The following FBXO21 variants were observed in gnomAD, a reference collection of about 807,000 sequenced individuals.
FBXO21 encodes the protein F-box protein 21, also known as F-box only protein 21.
Under a neutral mutation model 76.6 loss-of-function variants are expected in FBXO21, and 32 were observed. The ratio of observed to expected loss-of-function variants is 0.42; its 90% CI spans 0.32 to 0.56. The LOEUF (loss-of-function observed/expected upper bound fraction) is 0.56. FBXO21 is among the 20% of genes least tolerant of loss of function. FBXO21 has a pLI of 0.16. For missense variants in FBXO21, 586 were observed against 797.3 expected (o/e 0.73, Z 3.19); for synonymous variants, 328 against 311.5 (o/e 1.05, Z -0.56).
In FBXO21 at chr12:117,174,834, G is replaced by A. The variant is rs553665174; in HGVS notation, c.593-37C>T. 2.4e-5 allele frequency: 38 copies of A among 1,599,684 alleles called. No homozygotes were observed. The South Asian group carries it at 2.7e-4, about 11-fold the overall frequency. On this transcript the variant is annotated intron_variant, in intron 4 of 11. Transcript: ENST00000622495. ...CAAGAATTACCGAATAAATTCTCACGTTACCCTTTTCTTATTAGTTTGCAA... is the reference window on the plus strand; with the variant it reads ...CAAGAATTACCGAATAAATTCTCACATTACCCTTTTCTTATTAGTTTGCAA...
chr12:117,190,193 C>A, intron 1 of FBXO21, 25 bp downstream of exon 1: 2 of 1,250,144 alleles, frequency 1.6e-6, no homozygotes, highest in Non-Finnish European at 2.0e-6. Flanking sequence ...GGGCGCGCAG[C>A]CGGGGCGCGG....
In FBXO21 at chr12:117,189,266, C is replaced by T. The variant is rs1956320545; in HGVS notation, c.336G>A (p.Lys112=). The change falls in exon 2 of 12, where the codon AAG becomes AAA. Residue 112 remains lysine (K), a synonymous_variant. Coordinates refer to ENST00000622495, the MANE Select transcript of FBXO21 (RefSeq NM_015002.3). ...ACCTCTTTGAGAACGAGGCTACAAT[C>T]TTCCGCGCTTCTAACCCAGCTTTTT... ...VRQKAGLEAR[K]IVASFSKRFF... 6.2e-7 allele frequency: 1 copy of T among 1,614,240 alleles called. No homozygotes were observed. The highest frequency in any genetic ancestry group is 2.2e-5 in the East Asian group (1 of 44,888).
chr12:117,160,245 T>G (rs1955962275), intron 9 of FBXO21, among the ~76,000 whole-genome samples: 1 of 152,196 alleles, frequency 6.6e-6, no homozygotes. Flanking sequence ...ACACAACTTA[T>G]TCACAAAAAC....
intron 9 of FBXO21, among the ~76,000 whole-genome samples, chr12:117,159,771 C>T (rs1395622073): frequency 1.3e-5 from 2 of 152,202 alleles, no homozygotes; most frequent in Non-Finnish European, 2.9e-5. Flanking sequence ...CACAGCTCCC[C>T]TTCTCTCCTA....
At position 117,190,398 on chromosome 12, in the gene FBXO21, G is replaced by A; in HGVS notation, c.59C>T (p.Ala20Val). 6.7e-7 allele frequency: 1 copy of A among 1,494,626 alleles called. No homozygotes were observed. Among genetic ancestry groups the A allele is most frequent in the Non-Finnish European group, 8.9e-7 (1 of 1,129,426 alleles). 92.6% of individuals were successfully genotyped at this position (1,494,626 alleles called of 1,614,324 possible). ...GCTGAGGCCCGCTACCTCCGGCGCG[G>A]CCTCCTCCGCCAGCGCCGGCACCAC... Reference protein sequence around the residue: ...MEVVPALAEEAAPEVAGLSCL... With the variant: ...MEVVPALAEEVAPEVAGLSCL... Residue 20 changes from alanine to valine, a missense_variant, in exon 1 of 12, where the codon GCC (alanine) becomes GTC (valine). By Grantham distance (64) the Ala-to-Val change is moderately conservative. Transcript: ENST00000622495.
intron 1 of FBXO21, 63 bp from the exon 2 acceptor site, chr12:117,189,425 A>G: frequency 6.3e-7 from 1 of 1,596,812 alleles, no homozygotes; most frequent in Non-Finnish European, 8.6e-7. Flanking sequence ...CCACGAATCC[A>G]AGGCAGCCTT....
Position 117,166,795 on chromosome 12 carries a change from T to C in FBXO21, c.1193+103A>G, listed in dbSNP as rs1359491137. On this transcript the variant is annotated intron_variant, in intron 8 of 11. Transcript: ENST00000622495. ...GCAAAGAGAACTTCTTAGGGTCTAC[T>C]GCAAAGATCTCAACGAAAAGTCACT... 11 of 934,584 alleles carry C rather than the reference T, an allele frequency of 1.2e-5. No individual in the cohort carries two copies. In the Admixed American group the frequency reaches 1.7e-4, roughly 14 times the overall value. 57.9% of individuals were successfully genotyped at this position (934,584 alleles called of 1,614,324 possible). A position where few individuals can be genotyped will look rare whatever the true frequency, so the allele number is the denominator to read the frequency against.
intron 9 of FBXO21, among the ~76,000 whole-genome samples, chr12:117,165,124 T>C (rs1327048924): frequency 2.0e-5 from 3 of 152,230 alleles, no homozygotes; most frequent in Non-Finnish European, 4.4e-5. Context: ...ATGGCCAATG[T>C]AGTTGCTAAC....
chr12:117,183,741 T>C (rs2135885702), intron 3 of FBXO21, among the ~76,000 whole-genome samples: 1 of 152,334 alleles, frequency 6.6e-6, no homozygotes, highest in East Asian at 1.9e-4. Flanking sequence ...TGTCTCCGCA[T>C]TGTCCTTCTT....
chr12:117,177,699 C>T (rs2135878242), intron 3 of FBXO21, 58 bp from the exon 4 acceptor site: 1 of 1,450,906 alleles, frequency 6.9e-7, no homozygotes, highest in Non-Finnish European at 9.6e-7. Flanking sequence ...ATCTATTTTT[C>T]ACATTACACT....
intron 11 of FBXO21, among the ~76,000 whole-genome samples, chr12:117,153,182 A>C (rs1395995196): frequency 2.0e-5 from 3 of 151,930 alleles, no homozygotes; most frequent in Non-Finnish European, 4.4e-5. Context: ...GGCAGGTGCC[A>C]GTTAGGAAGT....
intron 2 of FBXO21, 176 bp downstream of exon 2, chr12:117,189,051 C>T (rs1045154798): frequency 1.0e-5 from 7 of 698,698 alleles, no homozygotes; most frequent in African/African-American, 1.8e-5. Flanking sequence ...CAAATGGCTT[C>T]GTGTTGTTGG....
rs1181475817 is a variant in FBXO21, at chr12:117,145,332, T to C, written c.*755A>G. The C allele has an allele frequency of 2.6e-5, 4 of 152,054 alleles. No individual in the cohort carries two copies. The East Asian group carries it at 5.8e-4, about 22-fold the overall frequency. 9.4% of individuals were successfully genotyped at this position (152,054 alleles called of 1,614,324 possible). ...AGTATGGAAAAATCCATTCACAAAGTTCACTATTTGCATTTTCTAAAAGAA... is the reference window on the plus strand; with the variant it reads ...AGTATGGAAAAATCCATTCACAAAGCTCACTATTTGCATTTTCTAAAAGAA... On this transcript the variant is annotated 3_prime_UTR_variant, in exon 12 of 12. Transcript: ENST00000622495.
chr12:117,188,429 C>T (rs188020538), intron 2 of FBXO21, among the ~76,000 whole-genome samples: 3 of 152,134 alleles, frequency 2.0e-5, no homozygotes, highest in Admixed American at 1.3e-4. Context: ...CCTGTAGTCC[C>T]GGCTACTCGG....
Position 117,155,837 on chromosome 12 carries a change from G to C in FBXO21, c.1629C>G (p.Phe543Leu). The change falls in exon 11 of 12, where the codon TTC becomes TTG. Residue 543 changes from phenylalanine to leucine, a missense_variant. By Grantham distance (22) the Phe-to-Leu change is conservative (BLOSUM62 0). Around this residue, in one of 6 missense-constraint regions of FBXO21, gnomAD observed 164 missense variants for 236.7 expected, o/e 0.69. Coordinates refer to ENST00000622495, the MANE Select transcript of FBXO21 (RefSeq NM_015002.3). ...HSLPHGHHQP[F>L]YNVLVEDGSC... is the part of the protein sequence containing the mutation. Reference sequence around the variant, plus strand: ...AGCCGTCCTCCACCAGCACGTTATAGAAAGGCTGGTGGTGGCCGTGCGGCA... The same window carrying C: ...AGCCGTCCTCCACCAGCACGTTATACAAAGGCTGGTGGTGGCCGTGCGGCA... The C allele has an allele frequency of 6.2e-7, 1 of 1,614,204 alleles. No homozygotes were observed.
chr12:117,161,036 G>T (rs1353191224), intron 9 of FBXO21, among the ~76,000 whole-genome samples: 1 of 152,140 alleles, frequency 6.6e-6, no homozygotes, highest in Non-Finnish European at 1.5e-5. Context: ...ACAAGACCTG[G>T]TCCTGGTCCT....
At position 117,165,635 on chromosome 12, in the gene FBXO21, A is replaced by G; in HGVS notation, c.1194-18T>C. On this transcript the variant is annotated intron_variant, in intron 8 of 11. Transcript: ENST00000622495. ...TGCCTTCCCTAGCAGAGGAAAAACA[A>G]TGTTTGTCTCATCCTGCTTGTTTTT... The G allele has an allele frequency of 6.3e-7, 1 of 1,582,354 alleles. No individual in the cohort carries two copies. Among genetic ancestry groups the G allele is most frequent in the Admixed American group, 1.7e-5 (1 of 57,662 alleles).
In FBXO21 at chr12:117,172,520, C is replaced by T. The variant is rs138407427; in HGVS notation, c.964G>A (p.Val322Ile). Residue 322 changes from valine to isoleucine, a missense_variant, in exon 7 of 12, where the codon GTC becomes ATC. Physicochemically the swap from Val to Ile is conservative, Grantham distance 29. This residue lies in a region of FBXO21 where 246 missense variants were observed against 356.8 expected (regional missense o/e 0.69). Transcript: ENST00000622495. The stretch of plus-strand genomic sequence containing the variant: ...AATAAGAAGTGACTTGGGAAGTTGA[C>T]AGGCTCCAGTGGGACTCCCAACTGC... Reference protein sequence around the residue: ...ARQLGVPLEPVNFPSHFLLRW... With the variant: ...ARQLGVPLEPINFPSHFLLRW... The T allele has an allele frequency of 5.0e-6, 8 of 1,613,950 alleles. No individual in the cohort carries two copies. The African/African-American group carries it at 9.3e-5, about 19-fold the overall frequency.
intron 7 of FBXO21, 137 bp downstream of exon 7, chr12:117,172,334 A>G (rs1956126039): frequency 2.2e-6 from 2 of 896,966 alleles, no homozygotes; most frequent in Admixed American, 4.9e-5. Flanking sequence ...GCCAGGAAAC[A>G]AAACAGTTCC....
Sources: allele counts gnomAD v4.1 joint callset (sites outside exome capture counted in the v4.1 genomes callset), GRCh38; gene constraint gnomAD v4.1.1; regional missense constraint gnomAD v4.1.1; transcripts MANE v1.5; gene names NCBI Gene and HGNC (gene_info 2026-07-23, HGNC 2026-07-21).